The following PRRC2C variants were observed in gnomAD, a reference collection of about 807,000 sequenced individuals.
PRRC2C encodes the protein protein PRRC2C.
A neutral mutation model predicts 317.2 loss-of-function variants in PRRC2C; 72 were observed. That is an observed-to-expected ratio of 0.23 (90% CI 0.19 to 0.28). The LOEUF is 0.28. Ranked by LOEUF, PRRC2C falls within the 10% of genes least tolerant of loss-of-function variation. The pLI is 1.00. For missense variants in PRRC2C, 3,074 were observed against 3,459.7 expected, an observed-to-expected ratio of 0.89 and a Z score of 2.80; for synonymous variants, 1,296 against 1,205.9, an observed-to-expected ratio of 1.07 and a Z score of -1.55.
At chr1:171,534,866 A>G (rs1466488581) in intron 12 of PRRC2C, among the ~76,000 whole-genome samples, 6 of 152,246 alleles carry the variant, frequency 3.9e-5, no homozygotes, top group African/African-American at 1.2e-4. Context: ...AAGAATTTGT[A>G]ACAAGCGTGG....
intron 1 of PRRC2C, among the ~76,000 whole-genome samples, chr1:171,498,805 GCTTT>G (rs1382092244): frequency 1.3e-5 from 2 of 152,138 alleles, no homozygotes; most frequent in African/African-American, 4.8e-5. Context: ...CTTCTACTGG[GCTTT>G]CTTTTTTTTG....
At chr1:171,518,896 T>C (rs1279697823) in intron 6 of PRRC2C, among the ~76,000 whole-genome samples, 19 of 151,114 alleles carry the variant, frequency 1.3e-4, no homozygotes, top group Non-Finnish European at 2.7e-4. Flanking sequence ...TTTTTTTTTT[T>C]TTTTGAAACA....
chr1:171,523,533 A>G lies in PRRC2C; in HGVS notation c.1055+11A>G. 6.3e-7 allele frequency: 1 copy of G among 1,590,382 alleles called. No individual in the cohort carries two copies. The highest frequency in any genetic ancestry group is 1.1e-5 in the South Asian group (1 of 89,660). On this transcript the variant is annotated intron_variant, in intron 9 of 34. Coordinates refer to ENST00000647382, the MANE Select transcript of PRRC2C (RefSeq NM_001387844.1). ...TAAAGAGAATAACAGGTAAGTTGTG[A>G]TATCTTTTACTAATAACAGTATGAA... is the stretch of plus-strand genomic sequence containing the variant.
intron 1 of PRRC2C, among the ~76,000 whole-genome samples, chr1:171,496,199 C>CTTTTT (rs528654548): frequency 0.13 from 9,888 of 74,950 alleles, 1,641 homozygotes; most frequent in African/African-American, 0.21. Context: ...ATTTTTGTGC[C>CTTTTT]TTTTTTTTTT....
intron 9 of PRRC2C, among the ~76,000 whole-genome samples, chr1:171,524,530 T>A (rs1295084416): frequency 1.3e-5 from 2 of 152,178 alleles, no homozygotes; most frequent in East Asian, 3.9e-4. Flanking sequence ...CCAGTTACAT[T>A]TGGATTGTAT....
chr1:171,518,589 C>G (rs931231548), intron 6 of PRRC2C, among the ~76,000 whole-genome samples: 13 of 136,894 alleles, frequency 9.5e-5, no homozygotes, highest in African/African-American at 3.5e-4. Context: ...CCTCTGCCCC[C>G]TGGGTTCAAG....
At chr1:171,561,859 A>G (rs1350810071) in intron 20 of PRRC2C, among the ~76,000 whole-genome samples, 1 of 152,166 alleles carries the variant, frequency 6.6e-6, no homozygotes, top group Non-Finnish European at 1.5e-5. Flanking sequence ...GTGATTCTTC[A>G]TTCATTCATT....
At chr1:171,486,363 C>G (rs550534756) in intron 1 of PRRC2C, among the ~76,000 whole-genome samples, 10 of 152,130 alleles carry the variant, frequency 6.6e-5, no homozygotes, top group African/African-American at 2.2e-4. Flanking sequence ...ACACTCTAGG[C>G]CGCTCCATCC....
intron 33 of PRRC2C, 134 bp downstream of exon 33, chr1:171,588,639 A>G: frequency 2.0e-6 from 2 of 1,010,592 alleles, no homozygotes; most frequent in East Asian, 2.7e-5. Flanking sequence ...GAATTTAACA[A>G]TAAATTTATT....
chr1:171,585,261 A>G (rs1253262770), intron 30 of PRRC2C, among the ~76,000 whole-genome samples: 1 of 152,244 alleles, frequency 6.6e-6, no homozygotes, highest in Non-Finnish European at 1.5e-5. Flanking sequence ...GAAGCCTCCC[A>G]AAGACCATCT....
At position 171,535,501 on chromosome 1, in the gene PRRC2C, A is replaced by G. The variant is rs74122866; in HGVS notation, c.1947A>G (p.Thr649=). 6.0e-4 allele frequency: 966 copies of G among 1,614,042 alleles called. 5 individuals are homozygous for G. The African/African-American group carries it at 0.012, about 20-fold the overall frequency. The change falls in exon 13 of 35, where the codon ACA becomes ACG. Residue 649 remains threonine (T), a synonymous_variant. Coordinates refer to ENST00000647382, the MANE Select transcript of PRRC2C (RefSeq NM_001387844.1). The part of the protein sequence containing the change: ...EKEATPVVHE[T]EPESGSQPRP... ...AAGCCACACCAGTGGTGCATGAAAC[A>G]GAACCAGAATCAGGGTCTCAACCTC... is the stretch of plus-strand genomic sequence containing the variant.
rs565397101 is a variant in PRRC2C, at chr1:171,535,961, A to G, written c.2044-68A>G. ...ATTCAAAACAGGCCATTATTTTGTG[A>G]TATGATTGATTATGTTAATTTGTCA... On this transcript the variant is annotated intron_variant, in intron 13 of 34. Transcript: ENST00000647382. The G allele has an allele frequency of 6.6e-6, 10 of 1,513,532 alleles. No individual in the cohort carries two copies. In the East Asian group the frequency reaches 2.0e-4, roughly 30 times the overall value. 93.8% of individuals were successfully genotyped at this position (1,513,532 alleles called of 1,614,324 possible).
At chr1:171,563,361 A>G (rs928077765) in intron 20 of PRRC2C, among the ~76,000 whole-genome samples, 1 of 152,198 alleles carries the variant, frequency 6.6e-6, no homozygotes, top group Non-Finnish European at 1.5e-5. Flanking sequence ...AATTGTTGTT[A>G]TACCATATTA....
chr1:171,565,445 C>G (rs1572040320), intron 20 of PRRC2C, among the ~76,000 whole-genome samples: 1 of 149,160 alleles, frequency 6.7e-6, no homozygotes, highest in Non-Finnish European at 1.5e-5. Context: ...AACAAATTAG[C>G]TGGGTTGGTT....
At chr1:171,566,904 A>G in intron 22 of PRRC2C, 61 bp downstream of exon 22, 1 of 1,522,234 alleles carries the variant, frequency 6.6e-7, no homozygotes, top group Non-Finnish European at 8.8e-7. Flanking sequence ...AATGAACGAG[A>G]AGAACAGCAA....
chr1:171,500,296 T>C (rs771730231), intron 1 of PRRC2C, among the ~76,000 whole-genome samples: 5 of 152,250 alleles, frequency 3.3e-5, no homozygotes, highest in African/African-American at 7.2e-5. Flanking sequence ...TAGAATCTTA[T>C]AGTTTTGAGT....
At chr1:171,497,973 C>T (rs962588790) in intron 1 of PRRC2C, among the ~76,000 whole-genome samples, 1 of 130,184 alleles carries the variant, frequency 7.7e-6, no homozygotes, top group East Asian at 2.3e-4. Flanking sequence ...AGCCACCATA[C>T]CCAGCTAATT....
intron 1 of PRRC2C, 104 bp from the exon 2 acceptor site, chr1:171,511,928 C>G: frequency 2.0e-6 from 1 of 496,682 alleles, no homozygotes; most frequent in Non-Finnish European, 3.7e-6. Flanking sequence ...TTAAAAAGTT[C>G]TATGAAATTA....
chr1:171,527,762 T>C (rs1349380944), intron 10 of PRRC2C, 29 bp from the exon 11 acceptor site: 1 of 1,531,362 alleles, frequency 6.5e-7, no homozygotes, highest in South Asian at 1.2e-5. Flanking sequence ...TCCAAAATAA[T>C]AAGAATAATT....
Sources: allele counts gnomAD v4.1 joint callset (sites outside exome capture counted in the v4.1 genomes callset), GRCh38; gene constraint gnomAD v4.1.1; transcripts MANE v1.5; gene names NCBI Gene and HGNC (gene_info 2026-07-23, HGNC 2026-07-21).